Variants in SIX5 observed in about 807,000 individuals in gnomAD.
SIX5 encodes the protein homeobox protein SIX5.
In SIX5, 21 loss-of-function variants were observed where a neutral mutation model predicts 37.1. The ratio of observed to expected loss-of-function variants is 0.57; its 90% CI spans 0.40 to 0.81. The LOEUF (loss-of-function observed/expected upper bound fraction) is 0.81, where lower values mean the gene tolerates loss of function less well. SIX5 is among the 40% of genes least tolerant of loss of function. The pLI, the probability that SIX5 is intolerant of heterozygous loss-of-function variation, is 0.00. For synonymous variants in SIX5, 626 were observed against 505.9 expected (o/e 1.24, Z -3.19); for missense variants, 1,137 against 1,025.1 (o/e 1.11, Z -1.49).
At position 45,768,343 on chromosome 19, in the gene SIX5, G is replaced by A. The variant is rs1255186869; in HGVS notation, c.502C>T (p.Arg168Cys). 2.5e-6 allele frequency: 4 copies of A among 1,601,034 alleles called. No individual in the cohort carries two copies. The highest frequency in any genetic ancestry group is 3.4e-6 in the Non-Finnish European group (4 of 1,175,380). Residue 168 changes from arginine (R) to cysteine (C), a missense_variant, in exon 1 of 3, where the codon CGC (arginine) becomes TGC (cysteine). By Grantham distance (180) the Arg-to-Cys change is radical. This residue lies in a region of SIX5 where 331 missense variants were observed against 360.9 expected (regional missense o/e 0.92). Coordinates refer to ENST00000317578, the MANE Select transcript of SIX5 (RefSeq NM_175875.5). ...AFLQDLYLRA[R>C]YHEAERARGR... ...CGGGCCCGCTCGGCCTCATGGTAGC[G>A]CGCGCGCAGGTAGAGGTCCTGCAGG...
rs752185855 is a variant in SIX5, at chr19:45,768,412, G to C, written c.433C>G (p.Arg145Gly). 4 of 1,553,280 alleles carry C rather than the reference G, an allele frequency of 2.6e-6. No individual in the cohort carries two copies. In the Admixed American group the frequency reaches 7.5e-5, roughly 29 times the overall value. The change falls in exon 1 of 3, where the codon CGG (arginine) becomes GGG (glycine). Residue 145 changes from arginine to glycine, a missense_variant. By Grantham distance (125) the Arg-to-Gly change is moderately radical. This residue lies in a region of SIX5 where 331 missense variants were observed against 360.9 expected (regional missense o/e 0.92). Transcript: ENST00000317578. ...FQRGEYAELY[R>G]LLESRPFPAA... is the part of the protein sequence containing the mutation. ...GGGAAGGGGCGGCTCTCGAGTAGCC[G>C]GTAGAGCTCGGCGTACTCGCCCCGC...
At chr19:45,767,333 C>A (rs1191922623) in intron 1 of SIX5, among the ~76,000 whole-genome samples, 178 bp from the exon 2 acceptor site, 1 of 152,216 alleles carries the variant, frequency 6.6e-6, no homozygotes, top group African/African-American at 2.4e-5. Context: ...TGCGTGGACA[C>A]CACTGCAGAG....
chr19:45,768,753 TC>T lies in SIX5; in HGVS notation c.91del (p.Glu31LysfsTer77). ...AAAATEEEEE[E>X]ARQLLQTLQA... ...CAAAGTCTGCAAGAGCTGGCGCGCT[TC>T]CTCCTCCTCCTCTTCGGTCGCCGCC... is the stretch of plus-strand genomic sequence containing the variant. On this transcript the variant is annotated frameshift_variant, in exon 1 of 3. Transcript: ENST00000317578. LOFTEE classifies it high-confidence loss of function. 6.6e-7 allele frequency: 1 copy of T among 1,513,672 alleles called. No homozygotes were observed. Among genetic ancestry groups the T allele is most frequent in the Non-Finnish European group, 8.8e-7 (1 of 1,136,638 alleles). 93.8% of individuals were successfully genotyped at this position (1,513,672 alleles called of 1,614,324 possible).
rs1220695694 is a variant in SIX5, at chr19:45,765,714, C to T, written c.2007G>A (p.Leu669=). ...GCCCCTCTGTTCCTGCGCTTAGTTC[C>T]AGCCCTGCTGACCAGACAGGCACGG... ...PAAVPVWSAG[L]ELSAGTEGLL... The change falls in exon 3 of 3, where the codon CTG becomes CTA. Residue 669 remains leucine, a synonymous_variant. Coordinates refer to ENST00000317578, the MANE Select transcript of SIX5 (RefSeq NM_175875.5). 3.7e-6 allele frequency: 6 copies of T among 1,612,926 alleles called. No individual in the cohort carries two copies. The East Asian group carries it at 1.1e-4, about 30-fold the overall frequency.
chr19:45,767,656 G>A, intron 1 of SIX5: 1 of 313,958 alleles, frequency 3.2e-6, no homozygotes, highest in South Asian at 5.4e-5. Context: ...GGAGTGTGGG[G>A]GCGGGTGGGT....
rs529004512 is a variant in SIX5 at position 45,765,006 on chromosome 19, G to C, written c.*495C>G. The C allele has an allele frequency of 3.5e-4, 73 of 207,496 alleles. No homozygotes were observed. The highest frequency in any genetic ancestry group is 1.7e-3 in the African/African-American group (73 of 44,090). 12.9% of individuals were successfully genotyped at this position (207,496 alleles called of 1,614,324 possible). A position where few individuals can be genotyped will look rare whatever the true frequency, so the allele number is the denominator to read the frequency against. On this transcript the variant is annotated 3_prime_UTR_variant, in exon 3 of 3. Transcript: ENST00000317578. ...CACAGCTGCCCCACCCCCCGCCCCT[G>C]GCAGGAAATGCCACACTGGGGAGGG...
chr19:45,766,184 T>A, intron 2 of SIX5, 73 bp from the exon 3 acceptor site: 12 of 1,554,932 alleles, frequency 7.7e-6, no homozygotes, highest in Non-Finnish European at 1.0e-5. Flanking sequence ...GTGGAGACTG[T>A]GCAGCTGGAG....
At position 45,768,494 on chromosome 19, in the gene SIX5, G is replaced by A. The variant is rs1969136701; in HGVS notation, c.351C>T (p.Ala117=). The A allele has an allele frequency of 2.0e-6, 3 of 1,503,982 alleles. No individual in the cohort carries two copies. Among genetic ancestry groups the A allele is most frequent in the Non-Finnish European group, 2.6e-6 (3 of 1,133,962 alleles). The allele number at this position is 1,503,982 out of a possible 1,614,324, so 93.2% of individuals were successfully genotyped here. Residue 117 remains alanine (A), a synonymous_variant, in exon 1 of 3, where the codon GCC becomes GCT. Transcript: ENST00000317578. ...LSRFLGALPP[A]ERLRGSDPVL... Reference sequence around the variant, plus strand: ...CCGGGTCGCTGCCACGTAGGCGCTCGGCCGGGGGCAGTGCGCCCAGGAAGC... The same window carrying A: ...CCGGGTCGCTGCCACGTAGGCGCTCAGCCGGGGGCAGTGCGCCCAGGAAGC...
At chr19:45,767,794 G>A (rs1969109617) in intron 1 of SIX5, 1 of 571,984 alleles carries the variant, frequency 1.7e-6, no homozygotes, top group East Asian at 3.0e-5. Flanking sequence ...CAACACCGAT[G>A]GGATTTGGGA....
rs867903863 is a variant in SIX5 at position 45,766,353 on chromosome 19, G to A, written c.1606C>T (p.Pro536Ser). ...TALQLPSATA[P>S]GNFLLANPVS... Reference sequence around the variant, plus strand: ...TGAGGGAGGGAGATGGGGGTACCTGGGGCAGTGGCCGAAGGCAGCTGCAGG... The same window carrying A: ...TGAGGGAGGGAGATGGGGGTACCTGAGGCAGTGGCCGAAGGCAGCTGCAGG... The change falls in exon 2 of 3, where the codon CCA becomes TCA. Residue 536 changes from proline to serine, a missense_variant. This residue lies in a region of SIX5 where 787 missense variants were observed against 621.4 expected (regional missense o/e 1.27). Transcript: ENST00000317578. 1.3e-6 allele frequency: 2 copies of A among 1,583,062 alleles called. No individual in the cohort carries two copies. Among genetic ancestry groups the A allele is most frequent in the South Asian group, 1.2e-5 (1 of 86,614 alleles).
In SIX5 at chr19:45,766,514, G is replaced by C; in HGVS notation, c.1445C>G (p.Ser482Ter). ...AGCCTGGGGCAGGGTCACCACCTGT[G>C]AGGTGGGTACTACCTGGGGCAGGTT... ...LLNLPQVVPT[S>*]QVVTLPQAVG... Residue 482 changes from serine to a stop codon, truncating the protein, a stop_gained, in exon 2 of 3, where the codon TCA (serine) becomes TGA (stop). Transcript: ENST00000317578. LOFTEE classifies it high-confidence loss of function. The C allele has an allele frequency of 6.6e-7, 1 of 1,506,700 alleles. No homozygotes were observed. Among genetic ancestry groups the C allele is most frequent in the Non-Finnish European group, 8.9e-7 (1 of 1,120,878 alleles). 93.3% of individuals were successfully genotyped at this position (1,506,700 alleles called of 1,614,324 possible). A position where few individuals can be genotyped will look rare whatever the true frequency, so the allele number is the denominator to read the frequency against.
intron 1 of SIX5, among the ~76,000 whole-genome samples, 172 bp from the exon 2 acceptor site, chr19:45,767,327 T>G (rs1377219895): frequency 6.6e-6 from 1 of 152,152 alleles, no homozygotes; most frequent in Non-Finnish European, 1.5e-5. Context: ...AAGCCCTGCG[T>G]GGACACCACT....
In SIX5 at chr19:45,768,166, T is replaced by A. The variant is rs1969123192; in HGVS notation, c.679A>T (p.Thr227Ser). ...GCCAGGCGGCGCTTCTCGTCCGGCG[T>A]GGGGTAGCGGTTGCCGCGGTAGCAG... Reference protein sequence around the residue: ...KACYRGNRYPTPDEKRRLATL... With the variant: ...KACYRGNRYPSPDEKRRLATL... Residue 227 changes from threonine to serine, a missense_variant, in exon 1 of 3, where the codon ACG (threonine) becomes TCG (serine). By Grantham distance (58) the Thr-to-Ser change is moderately conservative. Coordinates refer to ENST00000317578, the MANE Select transcript of SIX5 (RefSeq NM_175875.5). The A allele has an allele frequency of 6.2e-6, 10 of 1,612,460 alleles. No homozygotes were observed. Among genetic ancestry groups the A allele is most frequent in the Non-Finnish European group, 8.5e-6 (10 of 1,179,674 alleles).
At chr19:45,766,326 C>T (rs769593416) in intron 2 of SIX5, 24 bp downstream of exon 2, 1 of 1,560,548 alleles carries the variant, frequency 6.4e-7, no homozygotes, top group South Asian at 1.2e-5. Context: ...CTCACCTAGG[C>T]CTGAGGGAGG....
At position 45,764,790 on chromosome 19, in the gene SIX5, G is replaced by A. The variant is rs929619880; in HGVS notation, c.*711C>T. On this transcript the variant is annotated 3_prime_UTR_variant, in exon 3 of 3. Coordinates refer to ENST00000317578, the MANE Select transcript of SIX5 (RefSeq NM_175875.5). ...AAGGCACCCCAGACCCCTGGTGGTG[G>A]TGTAATCCGATAACTTTATTTTAAT... 2.6e-5 allele frequency: 4 copies of A among 155,640 alleles called. No individual in the cohort carries two copies. The highest frequency in any genetic ancestry group is 7.2e-5 in the African/African-American group (3 of 41,492). The allele number at this position is 155,640 out of a possible 1,614,324, so 9.6% of individuals were successfully genotyped here. A position where few individuals can be genotyped will look rare whatever the true frequency, so the allele number is the denominator to read the frequency against.
chr19:45,767,912 A>C, intron 1 of SIX5, 130 bp downstream of exon 1: 1 of 1,011,994 alleles, frequency 9.9e-7, no homozygotes, highest in Non-Finnish European at 1.4e-6. Context: ...GGCGCCTGAG[A>C]TTGTGAGCTG....
Position 45,765,308 on chromosome 19 carries a change from G to C in SIX5, c.*193C>G, listed in dbSNP as rs1055235053. 9.2e-6 allele frequency: 7 copies of C among 761,762 alleles called. No homozygotes were observed. The highest frequency in any genetic ancestry group is 3.7e-4 in the Middle Eastern group (1 of 2,700). The allele number at this position is 761,762 out of a possible 1,614,324, so 47.2% of individuals were successfully genotyped here. ...GTAACAGAGAGGCCTCCCATCCAAAGGGGGATGGAGACCTGGACAGGAGGT... is the reference window on the plus strand; with the variant it reads ...GTAACAGAGAGGCCTCCCATCCAAACGGGGATGGAGACCTGGACAGGAGGT... On this transcript the variant is annotated 3_prime_UTR_variant, in exon 3 of 3. Coordinates refer to ENST00000317578, the MANE Select transcript of SIX5 (RefSeq NM_175875.5).
Position 45,767,081 on chromosome 19 carries a change from G to T in SIX5, c.878C>A (p.Pro293Gln). 1 of 1,609,532 alleles carries T rather than the reference G, an allele frequency of 6.2e-7. No homozygotes were observed. Among genetic ancestry groups the T allele is most frequent in the Non-Finnish European group, 8.5e-7 (1 of 1,177,758 alleles). ...CTGGGCAGCGGCCTCGGCGGACACT[G>T]GGGCCGCCCCTCTCTCCAGGTCCTC... is the stretch of plus-strand genomic sequence containing the variant. Reference protein sequence around the residue: ...SPEDLERGAAPVSAEAAAQGS... With the variant: ...SPEDLERGAAQVSAEAAAQGS... Residue 293 changes from proline (P) to glutamine (Q), a missense_variant, in exon 2 of 3, where the codon CCA becomes CAA. By Grantham distance (76) the Pro-to-Gln change is moderately conservative (BLOSUM62 -1). Around this residue, in one of 3 missense-constraint regions of SIX5, gnomAD observed 787 missense variants for 621.4 expected, o/e 1.27. Coordinates refer to ENST00000317578, the MANE Select transcript of SIX5 (RefSeq NM_175875.5).
chr19:45,768,509 GC>G lies in SIX5; in HGVS notation c.335del (p.Gly112AlafsTer212). ...GTAGGCGCTCGGCCGGGGGCAGTGC[GC>G]CCAGGAAGCGGCTCAAGCGGCCGGC... ...GHAGRLSRFL[G>X]ALPPAERLRG... On this transcript the variant is annotated frameshift_variant, in exon 1 of 3. Coordinates refer to ENST00000317578, the MANE Select transcript of SIX5 (RefSeq NM_175875.5). LOFTEE classifies it high-confidence loss of function. 1.4e-6 allele frequency: 2 copies of G among 1,475,426 alleles called. No homozygotes were observed. Among genetic ancestry groups the G allele is most frequent in the Non-Finnish European group, 1.8e-6 (2 of 1,121,334 alleles). The allele number at this position is 1,475,426 out of a possible 1,614,324, so 91.4% of individuals were successfully genotyped here. A position where few individuals can be genotyped will look rare whatever the true frequency, so the allele number is the denominator to read the frequency against.
Sources: allele counts gnomAD v4.1 joint callset (sites outside exome capture counted in the v4.1 genomes callset), GRCh38; gene constraint gnomAD v4.1.1; regional missense constraint gnomAD v4.1.1; transcripts MANE v1.5; gene names NCBI Gene and HGNC (gene_info 2026-07-23, HGNC 2026-07-21).